CDH10: variants seen among roughly 807,000 people sequenced by gnomAD.
The protein encoded by CDH10 is cadherin 10, also known as cadherin-10.
Under a neutral mutation model 73.1 loss-of-function variants are expected in CDH10, and 30 were observed. The observed-to-expected ratio is 0.41, with a 90% CI of 0.31 to 0.56. The LOEUF (loss-of-function observed/expected upper bound fraction) is 0.56, where lower values mean the gene tolerates loss of function less well. Ranked by LOEUF, CDH10 falls within the 20% of genes least tolerant of loss-of-function variation. CDH10 has a pLI of 0.27. For missense variants in CDH10, 815 were observed against 973.7 expected, an observed-to-expected ratio of 0.84 and a Z score of 2.17; for synonymous variants, 345 against 348.2, an observed-to-expected ratio of 0.99 and a Z score of 0.10.
At position 24,593,449 on chromosome 5, in the gene CDH10, T is replaced by G. The variant is rs766989977; in HGVS notation, c.42A>C (p.Val14=). The G allele has an allele frequency of 6.2e-7, 1 of 1,610,752 alleles. No individual in the cohort carries two copies. The highest frequency in any genetic ancestry group is 8.5e-7 in the Non-Finnish European group (1 of 1,177,182). The change falls in exon 2 of 12, where the codon GTA becomes GTC. Residue 14 remains valine, a synonymous_variant. Coordinates refer to ENST00000264463, the MANE Select transcript of CDH10 (RefSeq NM_006727.5). ...HQFLLLFLFW[V]CLPHFCSPEI... The stretch of plus-strand genomic sequence containing the variant: ...CTGGAGAGCAGAAATGTGGCAGGCA[T>G]ACCCAGAATAGAAACAGTAGCAAAA...
rs115652879 is a variant in CDH10 at position 24,489,279 on chromosome 5, A to G, written c.1877-1126T>C. ...GATATTAAGTTATGTTTTCTTTTTT[A>G]TTAACATGGAATGCACAGACTAGTT... is the stretch of plus-strand genomic sequence containing the variant. On this transcript the variant is annotated intron_variant, in intron 11 of 11. Coordinates refer to ENST00000264463, the MANE Select transcript of CDH10 (RefSeq NM_006727.5). Among the ~76,000 whole-genome samples the G allele has an allele frequency of 6.8e-3, 1,030 of 152,226 alleles. 12 individuals carry two copies. The highest frequency in any genetic ancestry group is 0.024 in the African/African-American group (986 of 41,566).
intron 2 of CDH10, among the ~76,000 whole-genome samples, chr5:24,588,650 T>C (rs760823174): frequency 6.6e-6 from 1 of 152,202 alleles, no homozygotes; most frequent in Non-Finnish European, 1.5e-5. Context: ...TGTGTCCATA[T>C]TATCAAAAGT....
At chr5:24,568,323 A>G (rs910192942) in intron 2 of CDH10, among the ~76,000 whole-genome samples, 1 of 152,226 alleles carries the variant, frequency 6.6e-6, no homozygotes, top group African/African-American at 2.4e-5. Flanking sequence ...CACAATTAAA[A>G]AAAGATCAAA....
intron 1 of CDH10, among the ~76,000 whole-genome samples, chr5:24,624,345 A>G (rs1315239659): frequency 6.6e-6 from 1 of 152,166 alleles, no homozygotes; most frequent in African/African-American, 2.4e-5. Context: ...CTCAAACAAT[A>G]TTTAAATAAA....
At chr5:24,503,146 C>G (rs2111713032) in intron 8 of CDH10, among the ~76,000 whole-genome samples, 1 of 152,256 alleles carries the variant, frequency 6.6e-6, no homozygotes, top group South Asian at 2.1e-4. Context: ...TGTTCTGGGA[C>G]ACTTGGTGAT....
chr5:24,625,563 T>A (rs1269930542), intron 1 of CDH10, among the ~76,000 whole-genome samples: 1 of 53,610 alleles, frequency 1.9e-5, no homozygotes, highest in South Asian at 6.0e-4. Context: ...ATATATATAT[T>A]CATATATATA....
At chr5:24,521,400 C>T (rs149466344) in intron 5 of CDH10, among the ~76,000 whole-genome samples, 20 of 152,152 alleles carry the variant, frequency 1.3e-4, no homozygotes, top group Non-Finnish European at 2.6e-4. Flanking sequence ...CAAAATTAGC[C>T]GGGCATGGTG....
intron 1 of CDH10, among the ~76,000 whole-genome samples, chr5:24,617,288 A>G (rs1323670254): frequency 1.3e-5 from 2 of 152,094 alleles, no homozygotes; most frequent in Non-Finnish European, 2.9e-5. Context: ...ATACTGCCAA[A>G]TACTATCTGG....
chr5:24,505,133 T>A lies in CDH10; in HGVS notation c.1372A>T (p.Thr458Ser). 6.2e-7 allele frequency: 1 copy of A among 1,611,256 alleles called. No homozygotes were observed. The highest frequency in any genetic ancestry group is 8.5e-7 in the Non-Finnish European group (1 of 1,177,702). The change falls in exon 8 of 12, where the codon ACT becomes TCT. Residue 458 changes from threonine to serine, a missense_variant. Around this residue, in one of 3 missense-constraint regions of CDH10, gnomAD observed 516 missense variants for 636.6 expected, o/e 0.81. Transcript: ENST00000264463. ...DRELSQWHNL[T>S]VIAAEINNPK... The stretch of plus-strand genomic sequence containing the variant: ...TTACTGATTTCAGCAGCAATAACAG[T>A]AAGATTATGCCACTGAGATAGTTCA...
chr5:24,571,454 T>C (rs1208715395), intron 2 of CDH10, among the ~76,000 whole-genome samples: 1 of 152,046 alleles, frequency 6.6e-6, no homozygotes, highest in Non-Finnish European at 1.5e-5. Flanking sequence ...AGAAAATAAA[T>C]TAATTTGAGT....
intron 2 of CDH10, among the ~76,000 whole-genome samples, chr5:24,591,172 T>C (rs1746188385): frequency 6.6e-6 from 1 of 152,078 alleles, no homozygotes; most frequent in East Asian, 1.9e-4. Flanking sequence ...AATAAGATTG[T>C]AATTGTATAA....
intron 2 of CDH10, among the ~76,000 whole-genome samples, chr5:24,549,931 GA>G (rs1456715058): frequency 1.3e-5 from 2 of 152,094 alleles, no homozygotes; most frequent in Admixed American, 6.5e-5. Flanking sequence ...AGGTTTCAAA[GA>G]AAGGTGAAAT....
chr5:24,637,120 G>A (rs968705042), intron 1 of CDH10, among the ~76,000 whole-genome samples: 1 of 151,862 alleles, frequency 6.6e-6, no homozygotes, highest in African/African-American at 2.4e-5. Context: ...TATCAAAGCT[G>A]GAATATAACA....
intron 2 of CDH10, among the ~76,000 whole-genome samples, chr5:24,551,822 C>A (rs1245133712): frequency 6.6e-6 from 1 of 152,132 alleles, no homozygotes; most frequent in Non-Finnish European, 1.5e-5. Context: ...ATTACACTAA[C>A]AACATACTCT....
At chr5:24,547,912 CACAG>C (rs1166053731) in intron 2 of CDH10, among the ~76,000 whole-genome samples, 1 of 152,140 alleles carries the variant, frequency 6.6e-6, no homozygotes, top group African/African-American at 2.4e-5. Context: ...TGGCAAAACA[CACAG>C]ACAAATTCCT....
chr5:24,641,344 G>GA (rs915271965), intron 1 of CDH10, among the ~76,000 whole-genome samples: 69 of 150,842 alleles, frequency 4.6e-4, no homozygotes, highest in African/African-American at 1.5e-3. Flanking sequence ...TCTTATGCAT[G>GA]AAAAAAAAAT....
chr5:24,526,279 G>A (rs948907216), intron 5 of CDH10, among the ~76,000 whole-genome samples: 1 of 151,858 alleles, frequency 6.6e-6, no homozygotes, highest in Non-Finnish European at 1.5e-5. Flanking sequence ...GGACTAACTG[G>A]AATGTTCCAA....
intron 2 of CDH10, among the ~76,000 whole-genome samples, chr5:24,563,938 C>T (rs149784266): frequency 2.1e-3 from 316 of 152,140 alleles, no homozygotes; most frequent in Middle Eastern, 0.01. Flanking sequence ...TTTTTATGTT[C>T]AAATCATATT....
chr5:24,546,389 T>C (rs752831076), intron 2 of CDH10, among the ~76,000 whole-genome samples: 19 of 152,138 alleles, frequency 1.2e-4, no homozygotes, highest in Non-Finnish European at 2.4e-4. Flanking sequence ...GATTGCTCGA[T>C]TGACTGAGAG....
Sources: allele counts gnomAD v4.1 joint callset (sites outside exome capture counted in the v4.1 genomes callset), GRCh38; gene constraint gnomAD v4.1.1; regional missense constraint gnomAD v4.1.1; transcripts MANE v1.5; gene names NCBI Gene and HGNC (gene_info 2026-07-23, HGNC 2026-07-21).